The following ZBTB8OS variants were observed in gnomAD, a reference collection of about 807,000 sequenced individuals.
ZBTB8OS encodes tRNA splicing ligase complex subunit 1, also known as tRNA-splicing ligase-activating factor archease.
In ZBTB8OS, 16 loss-of-function variants were observed where a neutral mutation model predicts 29.3. That is an observed-to-expected ratio of 0.55 (90% confidence interval 0.37 to 0.83). The LOEUF (loss-of-function observed/expected upper bound fraction) is 0.83, where lower values mean the gene tolerates loss of function less well. ZBTB8OS is among the 40% of genes least tolerant of loss of function. The pLI is 0.00. For missense variants in ZBTB8OS, 160 were observed against 196.9 expected, an observed-to-expected ratio of 0.81 and a Z score of 1.12; for synonymous variants, 70 against 64.6, an observed-to-expected ratio of 1.08 and a Z score of -0.40.
In ZBTB8OS at chr1:32,621,808, A is replaced by G; in HGVS notation, c.*54T>C. 10 of 1,236,182 alleles carry G rather than the reference A, an allele frequency of 8.1e-6. No individual in the cohort carries two copies. The highest frequency in any genetic ancestry group is 1.2e-5 in the Non-Finnish European group (10 of 866,684). 76.6% of individuals were successfully genotyped at this position (1,236,182 alleles called of 1,614,324 possible). On this transcript the variant is annotated 3_prime_UTR_variant, in exon 7 of 7. Transcript: ENST00000468695. The stretch of plus-strand genomic sequence containing the variant: ...ATTTAATTCATAGTGTCTTCTCAAA[A>G]GGAAGAGGAAAACAAAAACAGTTCT...
Position 32,621,723 on chromosome 1 carries a change from ACAC to A in ZBTB8OS, c.*136_*138del, listed in dbSNP as rs2148275467. ...CCCTGATTTTCCCTTTCTGAAAGTC[ACAC>A]TTTAACTAAAATATTTCTGTTCTAC... is the stretch of plus-strand genomic sequence containing the variant. On this transcript the variant is annotated 3_prime_UTR_variant, in exon 7 of 7. Transcript: ENST00000468695. 3.0e-6 allele frequency: 2 copies of A among 668,148 alleles called. No homozygotes were observed. Among genetic ancestry groups the A allele is most frequent in the East Asian group, 5.8e-5 (2 of 34,706 alleles). The allele number at this position is 668,148 out of a possible 1,614,324, so 41.4% of individuals were successfully genotyped here.
At chr1:32,646,837 G>A (rs1646874654) in intron 1 of ZBTB8OS, among the ~76,000 whole-genome samples, 1 of 145,252 alleles carries the variant, frequency 6.9e-6, no homozygotes. Context: ...AGGAGTTCAA[G>A]ACCATCCTGG....
intron 5 of ZBTB8OS, among the ~76,000 whole-genome samples, chr1:32,630,018 T>C (rs911145270): frequency 6.6e-6 from 1 of 152,084 alleles, no homozygotes; most frequent in Non-Finnish European, 1.5e-5. Flanking sequence ...CCCAAAGTGC[T>C]GGGATTACAG....
intron 1 of ZBTB8OS, among the ~76,000 whole-genome samples, chr1:32,647,429 T>G (rs1570754500): frequency 9.7e-6 from 1 of 103,282 alleles, no homozygotes; most frequent in Non-Finnish European, 2.0e-5. Flanking sequence ...AAAGCGAGAC[T>G]CTGTCTCAAA....
intron 1 of ZBTB8OS, among the ~76,000 whole-genome samples, chr1:32,650,219 T>G (rs758341384): frequency 6.6e-6 from 1 of 152,064 alleles, no homozygotes; most frequent in African/African-American, 2.4e-5. Flanking sequence ...AGACTGTAAA[T>G]GAGGGAGGCC....
chr1:32,633,838 T>G, intron 3 of ZBTB8OS, 111 bp from the exon 4 acceptor site: 1 of 1,467,902 alleles, frequency 6.8e-7, no homozygotes, highest in Non-Finnish European at 9.1e-7. Context: ...AAGAAAAGAC[T>G]CATCCTTAAT....
chr1:32,621,697 GC>G lies in ZBTB8OS; in HGVS notation c.*164del. ...TTTGGGGAACACAGACCAAGGCTGT[GC>G]CCTGATTTTCCCTTTCTGAAAGTCA... is the stretch of plus-strand genomic sequence containing the variant. On this transcript the variant is annotated 3_prime_UTR_variant, in exon 7 of 7. Transcript: ENST00000468695. The G allele has an allele frequency of 1.6e-6, 1 of 607,800 alleles. No individual in the cohort carries two copies. The highest frequency in any genetic ancestry group is 2.0e-5 in the South Asian group (1 of 49,530). 37.7% of individuals were successfully genotyped at this position (607,800 alleles called of 1,614,324 possible). A position where few individuals can be genotyped will look rare whatever the true frequency, so the allele number is the denominator to read the frequency against.
intron 2 of ZBTB8OS, 93 bp downstream of exon 2, chr1:32,634,675 G>A (rs961955286): frequency 6.6e-7 from 1 of 1,523,324 alleles, no homozygotes; most frequent in East Asian, 2.3e-5. Context: ...ACCAAAATGA[G>A]AGGAGAAAAA....
chr1:32,642,959 C>CA (rs1646533114), intron 1 of ZBTB8OS, among the ~76,000 whole-genome samples: 1 of 147,580 alleles, frequency 6.8e-6, no homozygotes, highest in Non-Finnish European at 1.5e-5. Context: ...TTAGTAGAGA[C>CA]AGAGTTTCAC....
upstream of ZBTB8OS, chr1:32,650,731 G>C (rs1313458972): frequency 3.6e-6 from 3 of 842,262 alleles, no homozygotes; most frequent in East Asian, 2.6e-5. Context: ...CATCTTCTGC[G>C]ATTCCTTCAT....
chr1:32,646,633 C>T (rs1158633176), intron 1 of ZBTB8OS, among the ~76,000 whole-genome samples: 1 of 150,870 alleles, frequency 6.6e-6, no homozygotes, highest in Non-Finnish European at 1.5e-5. Context: ...CGTGATCCGC[C>T]GGCCAAAAGT....
intron 1 of ZBTB8OS, among the ~76,000 whole-genome samples, chr1:32,640,900 C>A (rs1188353009): frequency 1.3e-5 from 2 of 151,718 alleles, no homozygotes; most frequent in Non-Finnish European, 2.9e-5. Flanking sequence ...TGTGGAGGCC[C>A]ACACCTGTAA....
chr1:32,630,336 G>A (rs978235554), intron 5 of ZBTB8OS, among the ~76,000 whole-genome samples: 4 of 152,046 alleles, frequency 2.6e-5, no homozygotes, highest in Admixed American at 1.3e-4. Flanking sequence ...AGGTTGCAGC[G>A]AGCCAAGACT....
At chr1:32,635,567 C>T (rs1390181341) in intron 1 of ZBTB8OS, among the ~76,000 whole-genome samples, 3 of 152,142 alleles carry the variant, frequency 2.0e-5, no homozygotes, top group East Asian at 1.9e-4. Context: ...TGAGCCACTG[C>T]GCCTGGCCCA....
rs769243429 is a variant in ZBTB8OS at position 32,650,510 on chromosome 1, T to C, written c.20A>G (p.Asp7Gly). The C allele has an allele frequency of 9.3e-6, 15 of 1,614,180 alleles. No homozygotes were observed. In the East Asian group the frequency reaches 1.3e-4, roughly 14 times the overall value. The change falls in exon 1 of 7, where the codon GAT (aspartate) becomes GGT (glycine). Residue 7 changes from aspartate (D) to glycine (G), a missense_variant. Transcript: ENST00000468695. MAQEEE[D>G]VRDYNLTEEQ... ...TTCAGTCAAATTGTAATCTCTAACA[T>C]CTTCCTCTTCCTGCGCCATGACTGC...
chr1:32,650,355 A>G, intron 1 of ZBTB8OS, 78 bp downstream of exon 1: 11 of 1,576,134 alleles, frequency 7.0e-6, no homozygotes, highest in Non-Finnish European at 9.5e-6. Context: ...CAGTAGAAAG[A>G]GCAGCAGGAA....
At chr1:32,641,265 GTTTTTTTTT>G (rs1160526101) in intron 1 of ZBTB8OS, among the ~76,000 whole-genome samples, 2 of 97,264 alleles carry the variant, frequency 2.1e-5, no homozygotes, top group Admixed American at 1.2e-4. Context: ...AATTACACAA[GTTTTTTTTT>G]TTTTTTTTTT....
chr1:32,646,978 G>T (rs1166630826), intron 1 of ZBTB8OS, among the ~76,000 whole-genome samples: 2 of 140,050 alleles, frequency 1.4e-5, no homozygotes, highest in Non-Finnish European at 3.0e-5. Flanking sequence ...GGAGGCGGAG[G>T]TTGCTGTGAG....
chr1:32,626,696 G>A (rs1350593675), intron 6 of ZBTB8OS, among the ~76,000 whole-genome samples: 5 of 151,996 alleles, frequency 3.3e-5, no homozygotes, highest in African/African-American at 7.3e-5. Flanking sequence ...TTACAGGCGC[G>A]TGCCACCACG....
Sources: allele counts gnomAD v4.1 joint callset (sites outside exome capture counted in the v4.1 genomes callset), GRCh38; gene constraint gnomAD v4.1.1; transcripts MANE v1.5; gene names NCBI Gene and HGNC (gene_info 2026-07-23, HGNC 2026-07-21).